Variants in DUS1L observed in about 807,000 individuals in gnomAD.
DUS1L encodes the protein dihydrouridine synthase 1 like, also known as tRNA-dihydrouridine(16/17) synthase [NAD(P)(+)]-like.
DUS1L carries 56 observed loss-of-function variants against 61.2 expected under a neutral mutation model. The ratio of observed to expected loss-of-function variants is 0.92; its 90% CI spans 0.74 to 1.14. DUS1L has a LOEUF of 1.14. Among genes scored for constraint, DUS1L ranks in the 50% most tolerant of loss-of-function variants. The pLI, the probability that DUS1L is intolerant of heterozygous loss-of-function variation, is 0.00. For missense variants in DUS1L, 630 were observed against 632.4 expected, an observed-to-expected ratio of 1.00 and a Z score of 0.04; for synonymous variants, 278 against 259.5, an observed-to-expected ratio of 1.07 and a Z score of -0.69.
intron 13 of DUS1L, 28 bp from the exon 14 acceptor site, chr17:82,058,282 G>C: frequency 6.4e-7 from 1 of 1,552,386 alleles, no homozygotes; most frequent in South Asian, 1.2e-5. Flanking sequence ...AGGAGTCGGG[G>C]GTCAGGAGGC....
In DUS1L at chr17:82,058,181, C is replaced by T. The variant is rs749261686; in HGVS notation, c.1356G>A (p.Glu452=). Residue 452 remains glutamate (E), a synonymous_variant, in exon 14 of 14, where the codon GAG becomes GAA. Transcript: ENST00000306796. ...GTGTTCCAGGTGCTGCTGGCTGAGG[C>T]TCCTGCAGCTCAGGCTGGGCCTCTT... The part of the protein sequence containing the change: ...AWKEAQPELQ[E]PQPAAPGTPG... The T allele has an allele frequency of 6.2e-7, 1 of 1,600,972 alleles. No homozygotes were observed. The highest frequency in any genetic ancestry group is 2.3e-5 in the East Asian group (1 of 44,286).
In DUS1L at chr17:82,065,616, G is replaced by A. The variant is rs112222415; in HGVS notation, c.-14C>T. The A allele has an allele frequency of 2.6e-5, 4 of 151,186 alleles. No individual in the cohort carries two copies. Among genetic ancestry groups the A allele is most frequent in the African/African-American group, 9.7e-5 (4 of 41,370 alleles). 9.4% of individuals were successfully genotyped at this position (151,186 alleles called of 1,614,324 possible). A position where few individuals can be genotyped will look rare whatever the true frequency, so the allele number is the denominator to read the frequency against. On this transcript the variant is annotated 5_prime_UTR_variant, in exon 1 of 14. Coordinates refer to ENST00000306796, the MANE Select transcript of DUS1L (RefSeq NM_022156.5). ...CCACACGCCTCCGCGTCCTCACCGC[G>A]CGAGGGCCCCGCCGTGTCCGCCGCG... is the stretch of plus-strand genomic sequence containing the variant.
chr17:82,059,816 C>G, intron 11 of DUS1L, 132 bp downstream of exon 11: 1 of 1,361,120 alleles, frequency 7.3e-7, no homozygotes, highest in Non-Finnish European at 1.0e-6. Flanking sequence ...CCGCCAAGCC[C>G]TCCAGGTGTC....
chr17:82,064,040 G>A lies in DUS1L; in HGVS notation c.346+86C>T, dbSNP rs375593531. On this transcript the variant is annotated intron_variant, in intron 3 of 13. Transcript: ENST00000306796. ...TGTCACGACAGAGGCAGGGCCTGCC[G>A]TCCTCCAAGCTCACCACACCTGGGG... The A allele has an allele frequency of 2.2e-4, 266 of 1,190,230 alleles. 2 individuals carry two copies. In the African/African-American group the frequency reaches 3.1e-3, roughly 14 times the overall value. The allele number at this position is 1,190,230 out of a possible 1,614,324, so 73.7% of individuals were successfully genotyped here.
Position 82,064,151 on chromosome 17 carries a change from G to T in DUS1L, c.321C>A (p.Gly107=). Residue 107 remains glycine (G), a synonymous_variant, in exon 3 of 14, where the codon GGC becomes GGA. Coordinates refer to ENST00000306796, the MANE Select transcript of DUS1L (RefSeq NM_022156.5). The part of the protein sequence containing the change: ...DYCDAIDLNL[G]CPQMIAKRGH... The stretch of plus-strand genomic sequence containing the variant: ...CTCTCTTGGCTATCATCTGTGGGCA[G>T]CCCAAGTTCAGGTCAATGGCGTCAC... 7.4e-6 allele frequency: 12 copies of T among 1,612,668 alleles called. No homozygotes were observed. The highest frequency in any genetic ancestry group is 9.3e-6 in the Non-Finnish European group (11 of 1,179,832).
rs377189614 is a variant in DUS1L at position 82,060,748 on chromosome 17, G to A, written c.975C>T (p.Thr325=). 140 of 1,612,678 alleles carry A rather than the reference G, an allele frequency of 8.7e-5. No individual in the cohort carries two copies. Among genetic ancestry groups the A allele is most frequent in the Admixed American group, 2.0e-4 (12 of 59,956 alleles). ...AGATCCAGTGGAAGGGCAAGTCGCCGGTGGGCTTCGCTCCCTCCTGCCTGG... is the reference window on the plus strand; with the variant it reads ...AGATCCAGTGGAAGGGCAAGTCGCCAGTGGGCTTCGCTCCCTCCTGCCTGG... ...EISRQEGAKP[T]GDLPFHWICQ... Residue 325 remains threonine, a synonymous_variant, in exon 10 of 14, where the codon ACC becomes ACT. Coordinates refer to ENST00000306796, the MANE Select transcript of DUS1L (RefSeq NM_022156.5).
chr17:82,063,459 C>G lies in DUS1L; in HGVS notation c.397+9G>C, dbSNP rs1568091996. 2 of 1,613,814 alleles carry G rather than the reference C, an allele frequency of 1.2e-6. No homozygotes were observed. Among genetic ancestry groups the G allele is most frequent in the Non-Finnish European group, 1.7e-6 (2 of 1,179,980 alleles). ...TGGGGGTCCTTCACCATCCACCCAG[C>G]CAACTCACTCATTCTTTGGAGCAGG... On this transcript the variant is annotated intron_variant, in intron 4 of 13. Transcript: ENST00000306796.
chr17:82,063,034 C>T (rs2033587557), intron 4 of DUS1L, 61 bp from the exon 5 acceptor site: 1 of 1,426,260 alleles, frequency 7.0e-7, no homozygotes, highest in African/African-American at 1.7e-5. Context: ...GCGGCCAAGC[C>T]CCAGAGCCCA....
rs896985485 is a variant in DUS1L, at chr17:82,057,679, C to T, written c.*436G>A. 7.0e-5 allele frequency: 15 copies of T among 215,008 alleles called. No individual in the cohort carries two copies. The highest frequency in any genetic ancestry group is 4.2e-4 in the Admixed American group (8 of 18,982). The allele number at this position is 215,008 out of a possible 1,614,324, so 13.3% of individuals were successfully genotyped here. A position where few individuals can be genotyped will look rare whatever the true frequency, so the allele number is the denominator to read the frequency against. On this transcript the variant is annotated 3_prime_UTR_variant, in exon 14 of 14. Coordinates refer to ENST00000306796, the MANE Select transcript of DUS1L (RefSeq NM_022156.5). ...AGGCTGTGAGGCATCACGAAGCTCC[C>T]GGAGGCTTTGGCCACTTGCCTATGG...
In DUS1L at chr17:82,060,778, C is replaced by T; in HGVS notation, c.945G>A (p.Glu315=). ...SQELKLRCQE[E]ISRQEGAKPT... ...GCTTCGCTCCCTCCTGCCTGGATAT[C>T]TCCTCCTGCAAAAGCCCAAGGCCCT... Residue 315 remains glutamate (E), a synonymous_variant, in exon 10 of 14, where the codon GAG becomes GAA. Coordinates refer to ENST00000306796, the MANE Select transcript of DUS1L (RefSeq NM_022156.5). 1 of 1,612,400 alleles carries T rather than the reference C, an allele frequency of 6.2e-7. No individual in the cohort carries two copies. Among genetic ancestry groups the T allele is most frequent in the South Asian group, 1.1e-5 (1 of 90,908 alleles).
intron 12 of DUS1L, 61 bp downstream of exon 12, chr17:82,058,720 A>G (rs140545906): frequency 6.2e-7 from 1 of 1,610,362 alleles, no homozygotes; most frequent in African/African-American, 1.3e-5. Context: ...AGCAGTGCAG[A>G]GACCACCCTG....
At chr17:82,059,532 G>A (rs1018619339) in intron 11 of DUS1L, 2 of 179,570 alleles carry the variant, frequency 1.1e-5, no homozygotes, top group Non-Finnish European at 2.3e-5. Flanking sequence ...TAAGAGAGGG[G>A]CGAGCAGCCT....
chr17:82,064,688 T>C, intron 2 of DUS1L, 135 bp downstream of exon 2: 1 of 900,814 alleles, frequency 1.1e-6, no homozygotes, highest in South Asian at 1.7e-5. Flanking sequence ...TGCCACCTTC[T>C]CCCTCTCCTC....
At position 82,058,171 on chromosome 17, in the gene DUS1L, C is replaced by T. The variant is rs573299242; in HGVS notation, c.1366G>A (p.Ala456Thr). Residue 456 changes from alanine to threonine, a missense_variant, in exon 14 of 14, where the codon GCA (alanine) becomes ACA (threonine). By Grantham distance (58) the Ala-to-Thr change is moderately conservative (BLOSUM62 0). Transcript: ENST00000306796. ...AAGCCACCTGGTGTTCCAGGTGCTG[C>T]TGGCTGAGGCTCCTGCAGCTCAGGC... ...AQPELQEPQPAAPGTPGGFSE... is the reference protein window; with the variant it reads ...AQPELQEPQPTAPGTPGGFSE... The T allele has an allele frequency of 5.0e-6, 8 of 1,599,090 alleles. No individual in the cohort carries two copies. The highest frequency in any genetic ancestry group is 1.7e-4 in the Middle Eastern group (1 of 6,012).
rs2033643661 is a variant in DUS1L at position 82,064,096 on chromosome 17, A to G, written c.346+30T>C. The G allele has an allele frequency of 3.1e-6, 5 of 1,596,096 alleles. No individual in the cohort carries two copies. The Middle Eastern group carries it at 5.0e-4, about 159-fold the overall frequency. On this transcript the variant is annotated intron_variant, in intron 3 of 13. Transcript: ENST00000306796. ...CTGAGCTGGCTCTGGCCCCTGCCCC[A>G]GGTGCCCCCATGCTCCACATGGAGC...
intron 2 of DUS1L, 66 bp from the exon 3 acceptor site, chr17:82,064,300 C>A (rs546939121): frequency 8.5e-6 from 12 of 1,404,434 alleles, no homozygotes; most frequent in Admixed American, 1.9e-5. Flanking sequence ...CCCAGCCCTA[C>A]GAGAGGTCCA....
chr17:82,060,512 C>G, intron 10 of DUS1L, 189 bp downstream of exon 10: 1 of 693,288 alleles, frequency 1.4e-6, no homozygotes, highest in South Asian at 1.9e-5. Context: ...GCATCCTCCA[C>G]CAAGGACACC....
chr17:82,064,960 G>C lies in DUS1L; in HGVS notation c.100C>G (p.Leu34Val). 4 of 1,612,436 alleles carry C rather than the reference G, an allele frequency of 2.5e-6. No individual in the cohort carries two copies. The highest frequency in any genetic ancestry group is 3.4e-6 in the Non-Finnish European group (4 of 1,179,776). ...MVDQSELAWR[L>V]LSRRHGAQLC... ...TGTGCCCCGTGGCGCCGGCTCAGCA[G>C]CCTCCAGGCCAGCTCGCTCTGGTCC... The change falls in exon 2 of 14, where the codon CTG becomes GTG. Residue 34 changes from leucine to valine, a missense_variant. Transcript: ENST00000306796.
chr17:82,058,571 A>C, intron 12 of DUS1L, 155 bp from the exon 13 acceptor site: 1 of 1,444,120 alleles, frequency 6.9e-7, no homozygotes. Context: ...CCTCTCCCTC[A>C]CCCCCACCCA....
Sources: allele counts gnomAD v4.1 joint callset, GRCh38; gene constraint gnomAD v4.1.1; transcripts MANE v1.5; gene names NCBI Gene and HGNC (gene_info 2026-07-23, HGNC 2026-07-21).